The following SMAP2 variants were observed in gnomAD, a reference collection of about 807,000 sequenced individuals.
The protein encoded by SMAP2 is stromal membrane-associated protein 2.
SMAP2 carries 25 observed loss-of-function variants against 56.4 expected under a neutral mutation model. The observed-to-expected ratio is 0.44, with a 90% CI of 0.32 to 0.62. SMAP2 has a LOEUF of 0.62. Among genes scored for constraint, SMAP2 ranks in the 20% least tolerant of loss-of-function variants. The probability of loss-of-function intolerance (pLI) is 0.04; values close to 1 mark genes in which losing one functional copy is unlikely to be tolerated. For missense variants in SMAP2, 388 were observed against 545.6 expected (o/e 0.71, Z 2.88); for synonymous variants, 157 against 181.7 (o/e 0.86, Z 1.09).
chr1:40,375,055 G>C, intron 1 of SMAP2: 1 of 985,394 alleles, frequency 1.0e-6, no homozygotes, highest in Non-Finnish European at 1.2e-6. Flanking sequence ...GAACCATTTA[G>C]TCTTTGTTTT....
At chr1:40,417,448 A>G (rs1475547691) in intron 9 of SMAP2, among the ~76,000 whole-genome samples, 2 of 152,168 alleles carry the variant, frequency 1.3e-5, no homozygotes, top group Non-Finnish European at 2.9e-5. Context: ...TTCAAATGGC[A>G]TGGCAATGGG....
chr1:40,345,966 CTTTTTTTT>C (rs71060369), intron 1 of SMAP2, among the ~76,000 whole-genome samples: 7 of 35,296 alleles, frequency 2.0e-4, no homozygotes, highest in Admixed American at 1.4e-3. Context: ...ATTTCTATCA[CTTTTTTTT>C]TTTTTTTTTT....
rs1230496462 is a variant in SMAP2, at chr1:40,374,594, TGC to T, written c.103+373_103+374del. 3.8e-4 allele frequency: 500 copies of T among 1,323,510 alleles called. No individual in the cohort carries two copies. The highest frequency in any genetic ancestry group is 1.5e-3 in the African/African-American group (79 of 52,532). The allele number at this position is 1,323,510 out of a possible 1,614,324, so 82.0% of individuals were successfully genotyped here. On this transcript the variant is annotated intron_variant, in intron 1 of 9. Transcript: ENST00000372718. The surrounding 1 kb of genome is among the most constrained non-coding windows in gnomAD (Gnocchi z 5.9). Reference sequence around the variant, plus strand: ...GAACTGCATTGCGTGCGTGCGTGCGTGCGTGTGTGTGTGTGTGTGTGTGTGTG... The same window carrying T: ...GAACTGCATTGCGTGCGTGCGTGCGTGTGTGTGTGTGTGTGTGTGTGTGTG...
chr1:40,353,767 T>A (rs1271318193), intron 1 of SMAP2, among the ~76,000 whole-genome samples: 1 of 152,072 alleles, frequency 6.6e-6, no homozygotes, highest in Non-Finnish European at 1.5e-5. Flanking sequence ...CTTTCTTTTT[T>A]TTTTAACAGA....
At chr1:40,398,191 A>G (rs190515754) in intron 1 of SMAP2, among the ~76,000 whole-genome samples, 26 of 152,254 alleles carry the variant, frequency 1.7e-4, no homozygotes, top group African/African-American at 6.3e-4. Context: ...ATTTACATAT[A>G]GTCTTCTAGA....
intron 1 of SMAP2, 137 bp from the exon 2 acceptor site, chr1:40,406,599 C>A: frequency 1.2e-6 from 1 of 861,458 alleles, no homozygotes; most frequent in Non-Finnish European, 1.7e-6. Flanking sequence ...GAGGAATGAG[C>A]AGAGTCAATA....
At chr1:40,371,678 G>A (rs1644496594), upstream of SMAP2, among the ~76,000 whole-genome samples, 1 of 152,178 alleles carries the variant, frequency 6.6e-6, no homozygotes, top group African/African-American at 2.4e-5. Context: ...AAACTCATTG[G>A]TCTTTCCCAA....
At chr1:40,416,705 G>A (rs1413446325) in intron 8 of SMAP2, 75 bp from the exon 9 acceptor site, 3 of 1,432,078 alleles carry the variant, frequency 2.1e-6, no homozygotes, top group South Asian at 1.3e-5. Context: ...GCTGGAAAGG[G>A]TTAGCCAGGG....
chr1:40,346,427 T>A (rs1243078450), intron 1 of SMAP2, among the ~76,000 whole-genome samples: 1 of 151,898 alleles, frequency 6.6e-6, no homozygotes, highest in Non-Finnish European at 1.5e-5. Context: ...TGGAGTGCAG[T>A]GGCATGATGA....
intron 1 of SMAP2, among the ~76,000 whole-genome samples, chr1:40,356,024 T>C (rs1644433914): frequency 1.3e-5 from 2 of 152,204 alleles, no homozygotes; most frequent in African/African-American, 4.8e-5. Context: ...TTCTTCTCTC[T>C]GTCTCCATGA....
chr1:40,356,414 T>G (rs1273613464), intron 1 of SMAP2, among the ~76,000 whole-genome samples: 1 of 150,378 alleles, frequency 6.6e-6, no homozygotes, highest in Non-Finnish European at 1.5e-5. Context: ...TGTTTTTTTT[T>G]GTTTTTTTTT....
At position 40,393,258 on chromosome 1, in the gene SMAP2, T is replaced by C. The variant is rs1644734666; in HGVS notation, c.104-13478T>C. On this transcript the variant is annotated intron_variant, in intron 1 of 9. Coordinates refer to ENST00000372718, the MANE Select transcript of SMAP2 (RefSeq NM_022733.3). ...GGAGGATTGCTTGAGCATAGGAGATTGAGGCTGCACTGCACTCTAGCTTGG... is the reference window on the plus strand; with the variant it reads ...GGAGGATTGCTTGAGCATAGGAGATCGAGGCTGCACTGCACTCTAGCTTGG... 11 of 1,409,650 alleles carry C rather than the reference T, an allele frequency of 7.8e-6. No individual in the cohort carries two copies. The Admixed American group carries it at 2.9e-4, about 37-fold the overall frequency. 87.3% of individuals were successfully genotyped at this position (1,409,650 alleles called of 1,614,324 possible). A position where few individuals can be genotyped will look rare whatever the true frequency, so the allele number is the denominator to read the frequency against.
intron 5 of SMAP2, 153 bp from the exon 6 acceptor site, chr1:40,414,006 T>C (rs757017711): frequency 3.1e-6 from 2 of 649,314 alleles, no homozygotes; most frequent in Non-Finnish European, 5.3e-6. Context: ...GACTTGATTC[T>C]TTCACCTAAT....
chr1:40,361,864 T>C (rs1341958043), intron 1 of SMAP2, among the ~76,000 whole-genome samples: 1 of 152,184 alleles, frequency 6.6e-6, no homozygotes, highest in Non-Finnish European at 1.5e-5. Context: ...GGCTTGATTG[T>C]GCTGTCATTT....
intron 1 of SMAP2, among the ~76,000 whole-genome samples, chr1:40,398,134 A>G (rs1644790693): frequency 1.3e-5 from 2 of 152,226 alleles, no homozygotes; most frequent in Admixed American, 6.5e-5. Flanking sequence ...GGATATATAG[A>G]GAAGAAAATA....
chr1:40,390,042 G>C (rs1569866516), intron 1 of SMAP2, among the ~76,000 whole-genome samples: 1 of 151,086 alleles, frequency 6.6e-6, no homozygotes, highest in East Asian at 1.9e-4. Flanking sequence ...TGACCTCATT[G>C]TGTTCTATTC....
rs1305901038 is a variant in SMAP2 at position 40,416,265 on chromosome 1, A to C, written c.771A>C (p.Glu257Asp). 6.2e-7 allele frequency: 1 copy of C among 1,613,946 alleles called. No homozygotes were observed. Among genetic ancestry groups the C allele is most frequent in the Non-Finnish European group, 8.5e-7 (1 of 1,180,016 alleles). ...CGGAGCCAGGGAGCAAATCAGAAGA[A>C]ATAGGCAAGAAACAGCTCTCTAAAG... The part of the protein sequence containing the change: ...LFPEPGSKSE[E>D]IGKKQLSKDS... Residue 257 changes from glutamate (E) to aspartate (D), a missense_variant, in exon 8 of 10, where the codon GAA (glutamate) becomes GAC (aspartate). By Grantham distance (45) the Glu-to-Asp change is conservative. Transcript: ENST00000372718.
At chr1:40,391,048 T>C (rs1357625593) in intron 1 of SMAP2, among the ~76,000 whole-genome samples, 5 of 152,278 alleles carry the variant, frequency 3.3e-5, no homozygotes, top group Admixed American at 3.3e-4. Context: ...TTTTAGAATG[T>C]TTAGGAGCCA....
In SMAP2 at chr1:40,416,873, T is replaced by C; in HGVS notation, c.941T>C (p.Met314Thr). The C allele has an allele frequency of 1.9e-6, 3 of 1,614,228 alleles. No individual in the cohort carries two copies. The highest frequency in any genetic ancestry group is 2.5e-6 in the Non-Finnish European group (3 of 1,180,028). The change falls in exon 9 of 10, where the codon ATG (methionine) becomes ACG (threonine). Residue 314 changes from methionine to threonine, a missense_variant. Transcript: ENST00000372718. ...TPPNSIMGSM[M>T]PPPVGMVAQP... is the part of the protein sequence containing the mutation. ...CCTAACAGCATAATGGGGAGCATGATGCCTCCACCAGTAGGCATGGTTGCT... is the reference window on the plus strand; with the variant it reads ...CCTAACAGCATAATGGGGAGCATGACGCCTCCACCAGTAGGCATGGTTGCT...
Sources: allele counts gnomAD v4.1 joint callset (sites outside exome capture counted in the v4.1 genomes callset), GRCh38; gene constraint gnomAD v4.1.1; non-coding constraint Gnocchi (gnomAD v3.1); transcripts MANE v1.5; gene names NCBI Gene and HGNC (gene_info 2026-07-23, HGNC 2026-07-21).